SGTA: variants seen among roughly 807,000 people sequenced by gnomAD.
SGTA encodes the protein small glutamine rich tetratricopeptide repeat co-chaperone alpha.
A neutral mutation model predicts 44.3 loss-of-function variants in SGTA; 22 were observed. The ratio of observed to expected loss-of-function variants is 0.50; its 90% CI spans 0.36 to 0.71. The LOEUF is 0.71. SGTA is among the 30% of genes least tolerant of loss of function. The pLI is 0.00. For missense variants in SGTA, 341 were observed against 435.9 expected (o/e 0.78, Z 1.94); for synonymous variants, 174 against 177.6 (o/e 0.98, Z 0.16).
chr19:2,763,810 G>T lies in SGTA; in HGVS notation c.393-53C>A. On this transcript the variant is annotated intron_variant, in intron 5 of 11. Coordinates refer to ENST00000221566, the MANE Select transcript of SGTA (RefSeq NM_003021.4). This position sits in a 1 kb window ranked among gnomAD's most constrained non-coding sequence, Gnocchi z 5.8. ...CTCACTGGCGGCTCTGAGCCCAGCG[G>T]GCAGCCCTTGAGGGGAGCCTGAGAG... 6.7e-7 allele frequency: 1 copy of T among 1,489,266 alleles called. No individual in the cohort carries two copies. The highest frequency in any genetic ancestry group is 9.3e-7 in the Non-Finnish European group (1 of 1,080,876). 92.3% of individuals were successfully genotyped at this position (1,489,266 alleles called of 1,614,324 possible). A position where few individuals can be genotyped will look rare whatever the true frequency, so the allele number is the denominator to read the frequency against.
At chr19:2,759,790 G>A (rs935880493) in intron 8 of SGTA, among the ~76,000 whole-genome samples, 4 of 151,634 alleles carry the variant, frequency 2.6e-5, no homozygotes, top group East Asian at 1.9e-4. Flanking sequence ...GTGAAACCCC[G>A]TCTCTACTAA....
intron 9 of SGTA, among the ~76,000 whole-genome samples, chr19:2,758,389 C>T (rs1914888781): frequency 6.6e-6 from 1 of 152,072 alleles, no homozygotes; most frequent in Non-Finnish European, 1.5e-5. Context: ...ATCAGCCGGG[C>T]ATGGTGGTGG....
At chr19:2,757,020 G>A (rs1914837776) in intron 11 of SGTA, among the ~76,000 whole-genome samples, 1 of 152,204 alleles carries the variant, frequency 6.6e-6, no homozygotes, top group Non-Finnish European at 1.5e-5. Context: ...AGGCAGGGGG[G>A]ACCCCAGACA....
intron 8 of SGTA, among the ~76,000 whole-genome samples, chr19:2,760,012 T>C (rs922232086): frequency 1.3e-5 from 2 of 152,116 alleles, no homozygotes; most frequent in African/African-American, 4.8e-5. Context: ...CTGGGCACTT[T>C]CTCATGTTAA....
rs754993380 is a variant in SGTA at position 2,765,371 on chromosome 19, CCA to C, written c.293-88_293-87del. On this transcript the variant is annotated intron_variant, in intron 4 of 11. Coordinates refer to ENST00000221566, the MANE Select transcript of SGTA (RefSeq NM_003021.4). The surrounding 1 kb of genome is among the most constrained non-coding windows in gnomAD (Gnocchi z 5.5). Reference sequence around the variant, plus strand: ...AGAGAGGAAAACACCGGCCTGGTGTCCACACAGACCCGAGGGGGCGTCACACT... The same window carrying C: ...AGAGAGGAAAACACCGGCCTGGTGTCCACAGACCCGAGGGGGCGTCACACT... 5.9e-4 allele frequency: 575 copies of C among 971,846 alleles called. No individual in the cohort carries two copies. Among genetic ancestry groups the C allele is most frequent in the Non-Finnish European group, 7.7e-4 (480 of 626,482 alleles). 60.2% of individuals were successfully genotyped at this position (971,846 alleles called of 1,614,324 possible). A position where few individuals can be genotyped will look rare whatever the true frequency, so the allele number is the denominator to read the frequency against.
chr19:2,768,461 G>T (rs1915210842), intron 2 of SGTA, among the ~76,000 whole-genome samples: 1 of 152,156 alleles, frequency 6.6e-6, no homozygotes, highest in Non-Finnish European at 1.5e-5. Flanking sequence ...CCACACGAGG[G>T]TGCCTCCCCG....
intron 1 of SGTA, among the ~76,000 whole-genome samples, chr19:2,769,856 C>T (rs1243162733): frequency 1.8e-4 from 24 of 129,808 alleles, no homozygotes; most frequent in African/African-American, 5.6e-4. Flanking sequence ...GTTCCCCCAG[C>T]GGACACCAGC....
At chr19:2,766,654 T>A (rs1033766728) in intron 4 of SGTA, among the ~76,000 whole-genome samples, 1 of 152,078 alleles carries the variant, frequency 6.6e-6, no homozygotes, top group Non-Finnish European at 1.5e-5. Context: ...CAGGCTAGGC[T>A]TGAACTCCTG....
intron 9 of SGTA, among the ~76,000 whole-genome samples, chr19:2,758,290 A>G (rs1205617307): frequency 6.6e-6 from 1 of 152,176 alleles, no homozygotes; most frequent in Non-Finnish European, 1.5e-5. Context: ...GCACTTTGGG[A>G]GGCTGAGGCG....
chr19:2,757,244 G>T, intron 11 of SGTA, 93 bp downstream of exon 11: 1 of 1,451,750 alleles, frequency 6.9e-7, no homozygotes, highest in South Asian at 1.3e-5. Flanking sequence ...CACAGCCCCC[G>T]GGCGTCACTC....
chr19:2,766,117 G>A (rs1464975958), intron 4 of SGTA, among the ~76,000 whole-genome samples: 1 of 152,184 alleles, frequency 6.6e-6, no homozygotes, highest in Non-Finnish European at 1.5e-5. Context: ...TCAGAAGGCT[G>A]AGGCAGGAGA....
At chr19:2,769,903 G>C (rs868574162) in intron 1 of SGTA, among the ~76,000 whole-genome samples, 3 of 51,920 alleles carry the variant, frequency 5.8e-5, no homozygotes, top group East Asian at 5.4e-4. Flanking sequence ...GGTTCCCCCA[G>C]CGGACACCAG....
At chr19:2,777,716 T>C (rs2144741719) in intron 1 of SGTA, 1 of 152,354 alleles carries the variant, frequency 6.6e-6, no homozygotes, top group African/African-American at 2.4e-5. Flanking sequence ...CACACCTCAC[T>C]TGGTGACCTC....
chr19:2,757,003 C>T (rs1914837322), intron 11 of SGTA, among the ~76,000 whole-genome samples: 2 of 152,302 alleles, frequency 1.3e-5, no homozygotes, highest in African/African-American at 2.4e-5. Flanking sequence ...CTTCTGCAGG[C>T]GGCCTTAGGC....
At position 2,760,961 on chromosome 19, in the gene SGTA, G is replaced by A. The variant is rs529217719; in HGVS notation, c.699+499C>T. 3.3e-5 allele frequency among the ~76,000 whole-genome samples: 5 copies of A among 152,352 alleles called. No homozygotes were observed. In the East Asian group the frequency reaches 9.6e-4, roughly 29 times the overall value. ...ATGGCTCTCCGAGGATCCCAGTCAA[G>A]GAACTCCCTGCCAAAGGCCGTCCCT... is the stretch of plus-strand genomic sequence containing the variant. On this transcript the variant is annotated intron_variant, in intron 8 of 11. Transcript: ENST00000221566.
intron 1 of SGTA, among the ~76,000 whole-genome samples, chr19:2,773,852 CA>C (rs1915374651): frequency 5.1e-5 from 4 of 79,096 alleles, no homozygotes; most frequent in African/African-American, 8.4e-5. Flanking sequence ...GGCCACACGG[CA>C]GGGACACCGA....
At chr19:2,759,807 G>A (rs1318514824) in intron 8 of SGTA, among the ~76,000 whole-genome samples, 3 of 151,734 alleles carry the variant, frequency 2.0e-5, no homozygotes, top group Non-Finnish European at 4.4e-5. Context: ...CTAAAAATAT[G>A]AAATTAGCCA....
chr19:2,768,521 G>T (rs184593284), intron 2 of SGTA, among the ~76,000 whole-genome samples: 1 of 152,306 alleles, frequency 6.6e-6, no homozygotes, highest in East Asian at 1.9e-4. Flanking sequence ...AGAAGCGCAA[G>T]CAAGACCAGC....
intron 1 of SGTA, among the ~76,000 whole-genome samples, chr19:2,781,911 G>A (rs149244199): frequency 0.032 from 4,721 of 149,446 alleles, 242 homozygotes; most frequent in African/African-American, 0.11. Context: ...GCATGATGTT[G>A]GGTCACTGCA....
Sources: gnomAD v4.1 joint callset for allele counts (sites outside exome capture counted in the v4.1 genomes callset) on GRCh38, gnomAD v4.1.1 for gene constraint, Gnocchi (gnomAD v3.1) non-coding constraint, MANE v1.5 for transcripts, NCBI Gene and HGNC (gene_info 2026-07-23, HGNC 2026-07-21) for gene names.